DCAF5: variants seen among roughly 807,000 people sequenced by gnomAD.
DCAF5 encodes DDB1- and CUL4-associated factor 5.
In DCAF5, 9 loss-of-function variants were observed where a neutral mutation model predicts 80.7. The observed-to-expected ratio is 0.11, with a 90% confidence interval of 0.07 to 0.19. The LOEUF is 0.19. DCAF5 is among the 10% of genes least tolerant of loss of function. The pLI is 1.00. For missense variants in DCAF5, 842 were observed against 1,205.7 expected (o/e 0.70, Z 4.47); for synonymous variants, 433 against 461.9 (o/e 0.94, Z 0.80).
intron 1 of DCAF5, among the ~76,000 whole-genome samples, chr14:69,134,984 G>C (rs888010743): frequency 1.3e-5 from 2 of 152,116 alleles, no homozygotes; most frequent in Admixed American, 1.3e-4. Context: ...CTTGGACTTA[G>C]CTACAAGGAT....
chr14:69,065,707 T>C (rs904625011), intron 7 of DCAF5, among the ~76,000 whole-genome samples: 4 of 152,204 alleles, frequency 2.6e-5, no homozygotes, highest in Admixed American at 1.3e-4. Flanking sequence ...TCCTAGAAAT[T>C]TGTATAAGCC....
Position 69,121,168 on chromosome 14 carries a change from G to T in DCAF5, c.358+1049C>A, listed in dbSNP as rs73278980. ...AGGTCAGGCCAGACAGATAGATTGGGATTTAGACTTCATTCTTCAGGCACT... is the reference window on the plus strand; with the variant it reads ...AGGTCAGGCCAGACAGATAGATTGGTATTTAGACTTCATTCTTCAGGCACT... On this transcript the variant is annotated intron_variant, in intron 2 of 8. Transcript: ENST00000341516. Among the ~76,000 whole-genome samples, 1,201 of 152,310 alleles carry T rather than the reference G, an allele frequency of 7.9e-3. 17 individuals carry two copies. The highest frequency in any genetic ancestry group is 0.027 in the African/African-American group (1,134 of 41,564).
intron 6 of DCAF5, among the ~76,000 whole-genome samples, chr14:69,076,347 T>C (rs2038898401): frequency 6.6e-6 from 1 of 152,206 alleles, no homozygotes; most frequent in Non-Finnish European, 1.5e-5. Flanking sequence ...CCCATTTTCA[T>C]AGCAGCATTA....
chr14:69,119,945 A>G (rs1490302346), intron 2 of DCAF5, among the ~76,000 whole-genome samples: 2 of 152,216 alleles, frequency 1.3e-5, no homozygotes, highest in Admixed American at 1.3e-4. Context: ...GTACATCTGT[A>G]AAAGCATTCA....
chr14:69,082,851 A>G (rs1467110469), intron 6 of DCAF5, among the ~76,000 whole-genome samples: 3 of 152,202 alleles, frequency 2.0e-5, no homozygotes, highest in Admixed American at 1.3e-4. Context: ...TAAAATTTCT[A>G]AGGAGGAGGA....
At chr14:69,074,123 T>C (rs1348640113) in intron 7 of DCAF5, among the ~76,000 whole-genome samples, 1 of 152,222 alleles carries the variant, frequency 6.6e-6, no homozygotes, top group Non-Finnish European at 1.5e-5. Flanking sequence ...GGCAGATGTT[T>C]GGTAAGAATA....
chr14:69,053,623 T>C lies in DCAF5; in HGVS notation c.*234A>G. On this transcript the variant is annotated 3_prime_UTR_variant, in exon 9 of 9. Transcript: ENST00000341516. Reference sequence around the variant, plus strand: ...ACGCTCACGTCTCACTAGAAAGGAGTCACTTGGGTTATTTTTTTTTCCCCT... The same window carrying C: ...ACGCTCACGTCTCACTAGAAAGGAGCCACTTGGGTTATTTTTTTTTCCCCT... 8.4e-6 allele frequency: 4 copies of C among 477,828 alleles called. No individual in the cohort carries two copies. The South Asian group carries it at 9.0e-5, about 11-fold the overall frequency. The allele number at this position is 477,828 out of a possible 1,614,324, so 29.6% of individuals were successfully genotyped here.
At chr14:69,083,147 A>G (rs1184092681) in intron 6 of DCAF5, among the ~76,000 whole-genome samples, 1 of 152,232 alleles carries the variant, frequency 6.6e-6, no homozygotes, top group Non-Finnish European at 1.5e-5. Flanking sequence ...ACATAATCCA[A>G]AGGTAAAATC....
At chr14:69,150,722 C>A (rs1053018783) in intron 1 of DCAF5, among the ~76,000 whole-genome samples, 54 of 137,284 alleles carry the variant, frequency 3.9e-4, no homozygotes, top group Non-Finnish European at 3.2e-4. Flanking sequence ...TCCACCTCTA[C>A]AAAAAAAAAA....
In DCAF5 at chr14:69,070,582, T is replaced by G. The variant is rs369529680; in HGVS notation, c.946+4763A>C. Among the ~76,000 whole-genome samples, 5 of 152,324 alleles carry G rather than the reference T, an allele frequency of 3.3e-5. No homozygotes were observed. In the East Asian group the frequency reaches 9.6e-4, roughly 29 times the overall value. On this transcript the variant is annotated intron_variant, in intron 7 of 8. Coordinates refer to ENST00000341516, the MANE Select transcript of DCAF5 (RefSeq NM_003861.3). ...AAGTTAGAGGACTTGAATCCAGGTATGATTTTAAGTCTAATGCTCCTTTCA... is the reference window on the plus strand; with the variant it reads ...AAGTTAGAGGACTTGAATCCAGGTAGGATTTTAAGTCTAATGCTCCTTTCA...
Position 69,153,047 on chromosome 14 carries a change from C to A in DCAF5, c.-69G>T. Reference sequence around the variant, plus strand: ...CGGCCTCACGCGCGGCCGCTGCTCCCCCCACCCGGCCCTCCCCCCGCGCTG... The same window carrying A: ...CGGCCTCACGCGCGGCCGCTGCTCCACCCACCCGGCCCTCCCCCCGCGCTG... On this transcript the variant is annotated 5_prime_UTR_variant, in exon 1 of 9. Coordinates refer to ENST00000341516, the MANE Select transcript of DCAF5 (RefSeq NM_003861.3). 8.3e-7 allele frequency: 1 copy of A among 1,201,178 alleles called. No individual in the cohort carries two copies. The highest frequency in any genetic ancestry group is 3.0e-4 in the Middle Eastern group (1 of 3,378). 74.4% of individuals were successfully genotyped at this position (1,201,178 alleles called of 1,614,324 possible).
chr14:69,066,398 G>A (rs1431956706), intron 7 of DCAF5, among the ~76,000 whole-genome samples: 1 of 152,112 alleles, frequency 6.6e-6, no homozygotes, highest in African/African-American at 2.4e-5. Context: ...GCCTCCCAAA[G>A]TGCTGGGATT....
intron 8 of DCAF5, among the ~76,000 whole-genome samples, chr14:69,061,128 C>T (rs1343523472): frequency 2.6e-5 from 4 of 151,800 alleles, no homozygotes; most frequent in Non-Finnish European, 5.9e-5. Flanking sequence ...CCTTAGCCTC[C>T]CAAGTAGCTA....
intron 7 of DCAF5, among the ~76,000 whole-genome samples, chr14:69,063,264 A>C (rs1205497230): frequency 1.3e-5 from 2 of 152,250 alleles, no homozygotes; most frequent in Admixed American, 6.5e-5. Context: ...GAATGAGAAA[A>C]GTGCCAGAGG....
intron 2 of DCAF5, 123 bp downstream of exon 2, chr14:69,122,094 T>C (rs2040740517): frequency 2.5e-6 from 3 of 1,184,222 alleles, no homozygotes; most frequent in South Asian, 1.6e-5. Flanking sequence ...AGACAAGCTA[T>C]GAGAAACCAG....
intron 1 of DCAF5, among the ~76,000 whole-genome samples, chr14:69,140,435 AT>A (rs1402838458): frequency 6.6e-6 from 1 of 151,830 alleles, no homozygotes; most frequent in Admixed American, 6.6e-5. Flanking sequence ...AGCCTATAAC[AT>A]TTTTTTCTTG....
intron 5 of DCAF5, among the ~76,000 whole-genome samples, chr14:69,095,760 T>C (rs1056721179): frequency 1.3e-5 from 2 of 152,214 alleles, no homozygotes; most frequent in Admixed American, 6.5e-5. Context: ...TCTGTGGACC[T>C]AGATTACTAT....
chr14:69,102,419 TAACTTTTTTACTTTATA>T (rs1471428125), intron 5 of DCAF5, among the ~76,000 whole-genome samples: 2 of 152,152 alleles, frequency 1.3e-5, no homozygotes, highest in African/African-American at 4.8e-5. Context: ...TAGTTTACTA[TAACTTTTTTACTTTATA>T]AACTTTTTTA....
chr14:69,147,120 ACC>A (rs2041562150), intron 1 of DCAF5, among the ~76,000 whole-genome samples: 1 of 152,170 alleles, frequency 6.6e-6, no homozygotes, highest in Admixed American at 6.5e-5. Flanking sequence ...ACAGGAAATG[ACC>A]ATTAATTAAT....
Sources: gnomAD v4.1 joint callset for allele counts (sites outside exome capture counted in the v4.1 genomes callset) on GRCh38, gnomAD v4.1.1 for gene constraint, MANE v1.5 for transcripts, NCBI Gene and HGNC (gene_info 2026-07-23, HGNC 2026-07-21) for gene names.